The following CETP variants were observed in gnomAD, a reference collection of about 807,000 sequenced individuals.
The protein encoded by CETP is cholesteryl ester transfer protein.
Under a neutral mutation model 66.5 loss-of-function variants are expected in CETP, and 56 were observed. The ratio of observed to expected loss-of-function variants is 0.84; its 90% CI spans 0.68 to 1.05. The LOEUF is 1.05. CETP is among the 50% of genes least tolerant of loss of function. The pLI is 0.00. For missense variants in CETP, 612 were observed against 609.6 expected (o/e 1.00, Z -0.04); for synonymous variants, 251 against 245.7 (o/e 1.02, Z -0.20).
intron 2 of CETP, among the ~76,000 whole-genome samples, chr16:56,966,591 GT>G (rs1412550449): frequency 6.6e-6 from 1 of 151,654 alleles, no homozygotes; most frequent in Non-Finnish European, 1.5e-5. Context: ...TTGTTTGTGG[GT>G]TTTTTTGTTT....
Position 56,978,143 on chromosome 16 carries a change from T to C in CETP, c.1034T>C (p.Met345Thr), listed in dbSNP as rs1359448275. ...QAQVTVHCLKMPKISCQNKGV... is the reference protein window; with the variant it reads ...QAQVTVHCLKTPKISCQNKGV... ...CAAGTCACCGTCCACTGCCTCAAGA[T>C]GCCCAAGATCTCCTGCCAAAACAAG... Residue 345 changes from methionine (M) to threonine (T), a missense_variant, in exon 11 of 16, where the codon ATG becomes ACG. Transcript: ENST00000200676. 1 of 1,614,258 alleles carries C rather than the reference T, an allele frequency of 6.2e-7. No individual in the cohort carries two copies. Among genetic ancestry groups the C allele is most frequent in the Non-Finnish European group, 8.5e-7 (1 of 1,180,044 alleles).
chr16:56,982,759 C>T (rs1444494651), intron 14 of CETP, among the ~76,000 whole-genome samples: 1 of 152,160 alleles, frequency 6.6e-6, no homozygotes, highest in Non-Finnish European at 1.5e-5. Context: ...CTTTCTGCTC[C>T]CTTCCCCACA....
intron 11 of CETP, 40 bp downstream of exon 11, chr16:56,978,295 G>T: frequency 6.2e-7 from 1 of 1,613,602 alleles, no homozygotes; most frequent in South Asian, 1.1e-5. Context: ...GGGGGAACCT[G>T]ACTCACATAT....
In CETP at chr16:56,969,515, C is replaced by A. The variant is rs1480455333; in HGVS notation, c.363C>A (p.Ala121=). The A allele has an allele frequency of 1.9e-6, 3 of 1,614,104 alleles. No individual in the cohort carries two copies. In the African/African-American group the frequency reaches 4.0e-5, roughly 22 times the overall value. Residue 121 remains alanine (A), a synonymous_variant, in exon 3 of 16, where the codon GCC becomes GCA. Transcript: ENST00000200676. ...CCCTGAAGTATGGCTACACCACTGC[C>A]TGGTGGTAAGCATTCCTGTCAGCTG... ...KGTLKYGYTT[A]WWLGIDQSID...
chr16:56,968,659 CT>C (rs2056085459), intron 2 of CETP, among the ~76,000 whole-genome samples: 1 of 150,304 alleles, frequency 6.7e-6, no homozygotes, highest in African/African-American at 2.4e-5. Context: ...CTCATAATTC[CT>C]TTTATTTCTG....
intron 1 of CETP, 47 bp downstream of exon 1, chr16:56,962,144 A>G (rs1426728898): frequency 3.3e-6 from 5 of 1,500,504 alleles, no homozygotes; most frequent in Non-Finnish European, 2.8e-6. Context: ...CTTTTCATGG[A>G]CACCCACTAT....
At chr16:56,966,619 G>A (rs1158916143) in intron 2 of CETP, among the ~76,000 whole-genome samples, 1 of 151,958 alleles carries the variant, frequency 6.6e-6, no homozygotes, top group Non-Finnish European at 1.5e-5. Flanking sequence ...TTGTTTTTGA[G>A]ACAGAGTTTT....
At chr16:56,983,268 C>A in intron 14 of CETP, 58 bp from the exon 15 acceptor site, 2 of 1,452,332 alleles carry the variant, frequency 1.4e-6, no homozygotes, top group Non-Finnish European at 1.9e-6. Context: ...GGTGGCAGAG[C>A]CTCGGGCCGG....
chr16:56,962,408 G>A, intron 1 of CETP: 1 of 625,178 alleles, frequency 1.6e-6, no homozygotes, highest in Non-Finnish European at 3.0e-6. Context: ...CAGGTTAGGG[G>A]GTTGAGTCAG....
chr16:56,970,046 C>T, intron 5 of CETP, 45 bp downstream of exon 5: 1 of 1,577,012 alleles, frequency 6.3e-7, no homozygotes, highest in Non-Finnish European at 8.7e-7. Context: ...CGTGCCCATC[C>T]TGTTAGTGTG....
rs1460340789 is a variant in CETP, at chr16:56,971,989, C to G, written c.659-3C>G. On this transcript the variant is annotated splice_region_variant and splice_polypyrimidine_tract_variant and intron_variant, in intron 7 of 15. Coordinates refer to ENST00000200676, the MANE Select transcript of CETP (RefSeq NM_000078.3). ...GCCCTGCGTTGATCTTTTCCTCCTG[C>G]AGCCAGCATCCTTTCAGATGGAGAC... 14 of 1,613,714 alleles carry G rather than the reference C, an allele frequency of 8.7e-6. No individual in the cohort carries two copies. Among genetic ancestry groups the G allele is most frequent in the Non-Finnish European group, 1.1e-5 (13 of 1,179,778 alleles).
rs930523369 is a variant in CETP, at chr16:56,963,984, T to A, written c.233+860T>A. On this transcript the variant is annotated intron_variant, in intron 2 of 15. Coordinates refer to ENST00000200676, the MANE Select transcript of CETP (RefSeq NM_000078.3). ...ACGCCTGGCCCTTTATCTATCTTAATCTTTATTTTATTTATTTATTTATTT... is the reference window on the plus strand; with the variant it reads ...ACGCCTGGCCCTTTATCTATCTTAAACTTTATTTTATTTATTTATTTATTT... Among the ~76,000 whole-genome samples, 86 of 146,340 alleles carry A rather than the reference T, an allele frequency of 5.9e-4. 1 individual carries two copies. The highest frequency in any genetic ancestry group is 2.2e-3 in the African/African-American group (86 of 39,808).
intron 2 of CETP, among the ~76,000 whole-genome samples, chr16:56,968,630 C>G (rs12597025): frequency 6.6e-6 from 1 of 152,032 alleles, no homozygotes; most frequent in African/African-American, 2.4e-5. Context: ...TGTTGACATA[C>G]AATTGTTCGT....
In CETP at chr16:56,964,034, ATTTATTTAT is replaced by A. The variant is rs1331958145; in HGVS notation, c.233+912_233+920del. On this transcript the variant is annotated intron_variant, in intron 2 of 15. Coordinates refer to ENST00000200676, the MANE Select transcript of CETP (RefSeq NM_000078.3). ...TATTTATTTATTTATTTATTTATTT[ATTTATTTAT>A]TGAGATGGAGTCTCTCACTGTCACC... Among the ~76,000 whole-genome samples, 192 of 116,908 alleles carry A rather than the reference ATTTATTTAT, an allele frequency of 1.6e-3. 4 individuals carry two copies. In the East Asian group the frequency reaches 0.045, roughly 27 times the overall value. 76.7% of individuals were successfully genotyped at this position (116,908 alleles called of 152,430 possible).
intron 8 of CETP, 108 bp downstream of exon 8, chr16:56,972,191 A>G: frequency 2.5e-6 from 2 of 797,012 alleles, no homozygotes; most frequent in Non-Finnish European, 4.2e-6. Flanking sequence ...GGCAGCCAAG[A>G]GTCCTGGGGC....
At chr16:56,978,683 G>A (rs2056167803) in intron 11 of CETP, among the ~76,000 whole-genome samples, 1 of 151,978 alleles carries the variant, frequency 6.6e-6, no homozygotes, top group African/African-American at 2.4e-5. Context: ...GCGGGGTCTT[G>A]TTATGTTGTC....
intron 10 of CETP, among the ~76,000 whole-genome samples, chr16:56,976,581 C>T (rs981766210): frequency 6.6e-6 from 1 of 151,880 alleles, no homozygotes; most frequent in African/African-American, 2.4e-5. Flanking sequence ...AAGCAATTCT[C>T]CTGCCTCAGT....
intron 10 of CETP, among the ~76,000 whole-genome samples, chr16:56,977,666 T>G (rs1451476605): frequency 6.6e-6 from 1 of 151,864 alleles, no homozygotes; most frequent in Non-Finnish European, 1.5e-5. Flanking sequence ...TCCCCACCCC[T>G]AGCCCAGCTG....
In CETP at chr16:56,982,248, G is replaced by T. The variant is rs752971992; in HGVS notation, c.1321+11G>T. On this transcript the variant is annotated intron_variant, in intron 14 of 15. Transcript: ENST00000200676. The stretch of plus-strand genomic sequence containing the variant: ...CTGAGGTCATGTCTCGTAAGTGTGG[G>T]CTGGAGGGGAAACTGGGTGCCGAGG... 1.2e-6 allele frequency: 2 copies of T among 1,613,756 alleles called. No homozygotes were observed. The highest frequency in any genetic ancestry group is 2.7e-5 in the African/African-American group (2 of 75,006).
Sources: gnomAD v4.1 joint callset for allele counts (sites outside exome capture counted in the v4.1 genomes callset) on GRCh38, gnomAD v4.1.1 for gene constraint, MANE v1.5 for transcripts, NCBI Gene and HGNC (gene_info 2026-07-23, HGNC 2026-07-21) for gene names.